Variants in CDK13 observed in about 807,000 individuals in gnomAD.
CDK13 encodes the protein cyclin-dependent kinase 13.
In CDK13, 40 loss-of-function variants were observed where a neutral mutation model predicts 137.6. That is an observed-to-expected ratio of 0.29 (90% confidence interval 0.23 to 0.38). The LOEUF (loss-of-function observed/expected upper bound fraction) is 0.38, where lower values mean the gene tolerates loss of function less well. Among genes scored for constraint, CDK13 ranks in the 10% least tolerant of loss-of-function variants. The pLI is 1.00. For missense variants in CDK13, 1,704 were observed against 1,951.8 expected (o/e 0.87, Z 2.39); for synonymous variants, 869 against 760.1 (o/e 1.14, Z -2.36).
intron 5 of CDK13, among the ~76,000 whole-genome samples, chr7:40,038,215 AG>A (rs1197975264): frequency 1.3e-5 from 2 of 152,170 alleles, no homozygotes; most frequent in African/African-American, 4.8e-5. Flanking sequence ...ATATAAAAAA[AG>A]GTAGCAATGT....
At chr7:39,972,455 A>G (rs991259412) in intron 1 of CDK13, among the ~76,000 whole-genome samples, 26 of 152,210 alleles carry the variant, frequency 1.7e-4, no homozygotes, top group African/African-American at 6.3e-4. Flanking sequence ...CTCCATGGCT[A>G]TTTAGCAGTC....
chr7:40,052,645 C>A (rs1312366588), intron 7 of CDK13, among the ~76,000 whole-genome samples: 4 of 152,114 alleles, frequency 2.6e-5, no homozygotes, highest in South Asian at 2.1e-4. Context: ...CCAAAACGCA[C>A]ACACCTTTTT....
intron 5 of CDK13, among the ~76,000 whole-genome samples, chr7:40,024,399 GA>G (rs1295178511): frequency 7.2e-5 from 11 of 152,302 alleles, no homozygotes; most frequent in African/African-American, 2.6e-4. Context: ...CCATTGGTCT[GA>G]ATTTTCTCGC....
chr7:39,991,146 A>G (rs1191135549), intron 2 of CDK13, among the ~76,000 whole-genome samples: 1 of 152,142 alleles, frequency 6.6e-6, no homozygotes, highest in Non-Finnish European at 1.5e-5. Flanking sequence ...GCTCTTGGTA[A>G]TTTTGTTTAC....
intron 11 of CDK13, among the ~76,000 whole-genome samples, chr7:40,084,041 T>C (rs1201505226): frequency 2.6e-5 from 4 of 152,156 alleles, no homozygotes. Context: ...AATGGGGTAT[T>C]TAAAAATCGG....
At chr7:40,016,699 A>G (rs1785011516) in intron 5 of CDK13, among the ~76,000 whole-genome samples, 1 of 152,184 alleles carries the variant, frequency 6.6e-6, no homozygotes, top group Non-Finnish European at 1.5e-5. Flanking sequence ...CTATAAAAGT[A>G]CATAAGGTGG....
intron 12 of CDK13, among the ~76,000 whole-genome samples, chr7:40,088,901 G>GT (rs1348109979): frequency 6.6e-6 from 1 of 152,040 alleles, no homozygotes; most frequent in Non-Finnish European, 1.5e-5. Flanking sequence ...CCAACATCGC[G>GT]AAACCCCGTC....
intron 11 of CDK13, among the ~76,000 whole-genome samples, chr7:40,087,314 T>C (rs1263924444): frequency 6.6e-6 from 1 of 152,026 alleles, no homozygotes; most frequent in African/African-American, 2.4e-5. Flanking sequence ...AACTAATTTT[T>C]GTATTTTTGG....
rs769641312 is a variant in CDK13 at position 40,078,166 on chromosome 7, C to T, written c.2897+45C>T. 13 of 916,132 alleles carry T rather than the reference C, an allele frequency of 1.4e-5. No individual in the cohort carries two copies. In the African/African-American group the frequency reaches 2.2e-4, roughly 16 times the overall value. The allele number at this position is 916,132 out of a possible 1,614,324, so 56.8% of individuals were successfully genotyped here. A position where few individuals can be genotyped will look rare whatever the true frequency, so the allele number is the denominator to read the frequency against. On this transcript the variant is annotated intron_variant, in intron 10 of 13. Transcript: ENST00000181839. ...ACATCCTTATTGCATGAATGTTTTACTTTAATTCTAGTGAATTATAAATGT... is the reference window on the plus strand; with the variant it reads ...ACATCCTTATTGCATGAATGTTTTATTTTAATTCTAGTGAATTATAAATGT...
At chr7:40,090,099 G>A (rs1294992868) in intron 12 of CDK13, among the ~76,000 whole-genome samples, 1 of 152,156 alleles carries the variant, frequency 6.6e-6, no homozygotes, top group Non-Finnish European at 1.5e-5. Flanking sequence ...AAAAGGATGT[G>A]AAATGGCAAT....
chr7:40,076,648 A>G (rs1259473107), intron 9 of CDK13, among the ~76,000 whole-genome samples: 1 of 152,196 alleles, frequency 6.6e-6, no homozygotes, highest in Non-Finnish European at 1.5e-5. Context: ...TGGGTTTATA[A>G]AAATGCTAAA....
chr7:39,956,978 C>T (rs1787425787), intron 1 of CDK13, among the ~76,000 whole-genome samples: 2 of 152,116 alleles, frequency 1.3e-5, no homozygotes, highest in South Asian at 4.1e-4. Context: ...ATTTTTATTT[C>T]TATTTTTATA....
chr7:40,094,453 A>G lies in CDK13; in HGVS notation c.4012A>G (p.Asn1338Asp). 1 of 1,613,966 alleles carries G rather than the reference A, an allele frequency of 6.2e-7. No homozygotes were observed. Among genetic ancestry groups the G allele is most frequent in the South Asian group, 1.1e-5 (1 of 91,084 alleles). The change falls in exon 14 of 14, where the codon AAC becomes GAC. Residue 1338 changes from asparagine (N) to aspartate (D), a missense_variant. Around this residue, in one of 5 missense-constraint regions of CDK13, gnomAD observed 475 missense variants for 579.3 expected, o/e 0.82. Transcript: ENST00000181839. ...TYVSTSDYKD[N>D]FGSSSFSSAP... ...CGTGTCCACTTCAGACTACAAGGAC[A>G]ACTTTGGATCCTCTTCTTTCTCTTC... is the stretch of plus-strand genomic sequence containing the variant.
At chr7:40,029,647 AT>A (rs1188876440) in intron 5 of CDK13, among the ~76,000 whole-genome samples, 1 of 150,300 alleles carries the variant, frequency 6.7e-6, no homozygotes, top group Non-Finnish European at 1.5e-5. Context: ...GAGAGAAAAG[AT>A]TCTTTTTTTT....
At chr7:40,018,396 A>G (rs184685652) in intron 5 of CDK13, among the ~76,000 whole-genome samples, 5,964 of 141,412 alleles carry the variant, frequency 0.042, 345 homozygotes, top group African/African-American at 0.17. Context: ...TTTTGGAAAC[A>G]TAAGGGAAGT....
chr7:39,981,210 A>G (rs1784215295), intron 1 of CDK13, among the ~76,000 whole-genome samples: 1 of 152,048 alleles, frequency 6.6e-6, no homozygotes, highest in South Asian at 2.1e-4. Flanking sequence ...CCTGCAAAAC[A>G]TACAAAAATT....
chr7:39,979,696 C>T (rs1784183815), intron 1 of CDK13, among the ~76,000 whole-genome samples: 1 of 152,088 alleles, frequency 6.6e-6, no homozygotes, highest in Non-Finnish European at 1.5e-5. Flanking sequence ...ACTGTTACAC[C>T]TTACATTTTA....
rs772538413 is a variant in CDK13, at chr7:40,094,543, T to C, written c.4102T>C (p.Phe1368Leu). Residue 1368 changes from phenylalanine (F) to leucine (L), a missense_variant, in exon 14 of 14, where the codon TTC becomes CTC. Phe to Leu is a conservative substitution (Grantham distance 22, BLOSUM62 0). Coordinates refer to ENST00000181839, the MANE Select transcript of CDK13 (RefSeq NM_003718.5). ...SSAPPLERRS[F>L]IGNSDIQSLD... The stretch of plus-strand genomic sequence containing the variant: ...TGCTCCACCACTAGAACGACGTAGT[T>C]TCATTGGAAATTCAGATATTCAGTC... The C allele has an allele frequency of 6.2e-7, 1 of 1,611,798 alleles. No individual in the cohort carries two copies. Among genetic ancestry groups the C allele is most frequent in the Non-Finnish European group, 8.5e-7 (1 of 1,178,850 alleles).
chr7:40,024,813 G>A (rs1039484553), intron 5 of CDK13, among the ~76,000 whole-genome samples: 8 of 152,014 alleles, frequency 5.3e-5, no homozygotes, highest in African/African-American at 1.4e-4. Flanking sequence ...ACACGTGTGC[G>A]CCAGCACGCC....
Sources: gnomAD v4.1 joint callset for allele counts (sites outside exome capture counted in the v4.1 genomes callset) on GRCh38, gnomAD v4.1.1 for gene constraint, gnomAD v4.1.1 regional missense constraint, MANE v1.5 for transcripts, NCBI Gene and HGNC (gene_info 2026-07-23, HGNC 2026-07-21) for gene names.